Variants in CWC25 observed in about 807,000 individuals in gnomAD.
CWC25 encodes the protein CWC25 spliceosome associated protein, also known as pre-mRNA-splicing factor CWC25 homolog.
Under a neutral mutation model 54.6 loss-of-function variants are expected in CWC25, and 31 were observed. The observed-to-expected ratio is 0.57, with a 90% CI of 0.43 to 0.77. CWC25 has a LOEUF of 0.77. Ranked by LOEUF, CWC25 falls within the 30% of genes least tolerant of loss-of-function variation. The pLI is 0.00. For synonymous variants in CWC25, 151 were observed against 187.0 expected (o/e 0.81, Z 1.57); for missense variants, 453 against 529.3 (o/e 0.86, Z 1.41).
chr17:38,819,470 G>A (rs1039404385), intron 2 of CWC25, among the ~76,000 whole-genome samples: 5 of 151,286 alleles, frequency 3.3e-5, no homozygotes, highest in African/African-American at 9.7e-5. Flanking sequence ...GGGTTCAAGC[G>A]ATTCTCCTGC....
At chr17:38,820,275 T>C (rs1010899215) in intron 2 of CWC25, among the ~76,000 whole-genome samples, 6 of 152,216 alleles carry the variant, frequency 3.9e-5, no homozygotes, top group Non-Finnish European at 8.8e-5. Context: ...GACTTAAGAA[T>C]ACACTGCATA....
chr17:38,804,681 G>A (rs187549821), intron 8 of CWC25, among the ~76,000 whole-genome samples: 4 of 151,442 alleles, frequency 2.6e-5, no homozygotes, highest in South Asian at 2.1e-4. Context: ...GGTGGCATGC[G>A]CCTGTAGTCC....
chr17:38,809,929 T>C (rs552565371), intron 5 of CWC25, 164 bp from the exon 6 acceptor site: 4 of 609,698 alleles, frequency 6.6e-6, no homozygotes, highest in East Asian at 3.0e-5. Flanking sequence ...TGCCGAAAAA[T>C]GCATCAGCAC....
intron 2 of CWC25, among the ~76,000 whole-genome samples, chr17:38,820,236 T>C (rs532990238): frequency 6.6e-6 from 1 of 152,306 alleles, no homozygotes; most frequent in South Asian, 2.1e-4. Flanking sequence ...GTCCCCAGTT[T>C]TAGTCTATCT....
intron 8 of CWC25, among the ~76,000 whole-genome samples, chr17:38,804,281 C>T (rs977831926): frequency 2.0e-5 from 3 of 151,980 alleles, no homozygotes; most frequent in South Asian, 2.1e-4. Flanking sequence ...TCTGATGTAA[C>T]CATATTGGAA....
chr17:38,808,355 C>A (rs1173328461), intron 6 of CWC25, among the ~76,000 whole-genome samples: 1 of 136,718 alleles, frequency 7.3e-6, no homozygotes, highest in Non-Finnish European at 1.6e-5. Flanking sequence ...GCACTCCAGC[C>A]TGGGCGACAG....
chr17:38,806,784 A>G lies in CWC25; in HGVS notation c.883T>C (p.Ser295Pro). The part of the protein sequence containing the change: ...RSRSLGRRSR[S>P]PRPSKLHNSK... ...ACTCACAGTTTGCTGGGTCTTGGGG[A>G]CCGTGACCTTCTGCCCAGGGATCGA... The change falls in exon 7 of 10, where the codon TCC becomes CCC. Residue 295 changes from serine to proline, a missense_variant. By Grantham distance (74) the Ser-to-Pro change is moderately conservative (BLOSUM62 -1). Transcript: ENST00000614790. 6.2e-7 allele frequency: 1 copy of G among 1,600,548 alleles called. No individual in the cohort carries two copies. The highest frequency in any genetic ancestry group is 8.5e-7 in the Non-Finnish European group (1 of 1,174,358).
intron 5 of CWC25, 26 bp downstream of exon 5, chr17:38,810,442 A>C: frequency 6.6e-7 from 1 of 1,520,346 alleles, no homozygotes; most frequent in East Asian, 2.3e-5. Context: ...ATCAACGAGA[A>C]GGGAGGCCAG....
Position 38,806,835 on chromosome 17 carries a change from C to T in CWC25, c.832G>A (p.Glu278Lys). 6.2e-7 allele frequency: 1 copy of T among 1,613,562 alleles called. No individual in the cohort carries two copies. The highest frequency in any genetic ancestry group is 1.3e-5 in the African/African-American group (1 of 75,002). ...GACCTCCTGTCCCGGGACCCTGCTT[C>T]CCTGGTGCTCTTCTTGCTGGCATGT... ...PRHASKKSTR[E>K]AGSRDRRSRS... The change falls in exon 7 of 10, where the codon GAA (glutamate) becomes AAA (lysine). Residue 278 changes from glutamate (E) to lysine (K), a missense_variant. Glu to Lys is a moderately conservative substitution (Grantham distance 56). Coordinates refer to ENST00000614790, the MANE Select transcript of CWC25 (RefSeq NM_017748.5).
intron 2 of CWC25, among the ~76,000 whole-genome samples, chr17:38,819,390 C>T (rs1306375869): frequency 1.3e-5 from 2 of 148,902 alleles, no homozygotes; most frequent in South Asian, 2.1e-4. Context: ...TTTTTTGAGA[C>T]GGAGTCTCGC....
chr17:38,804,405 C>G (rs1911144476), intron 8 of CWC25, among the ~76,000 whole-genome samples: 1 of 152,060 alleles, frequency 6.6e-6, no homozygotes, highest in African/African-American at 2.4e-5. Context: ...CACGGTGGCT[C>G]ACACCTGTAA....
At chr17:38,823,980 T>C (rs1168347721) in intron 1 of CWC25, among the ~76,000 whole-genome samples, 1 of 152,192 alleles carries the variant, frequency 6.6e-6, no homozygotes, top group Non-Finnish European at 1.5e-5. Flanking sequence ...AGAGCGCTAA[T>C]GTTGAGAAAC....
intron 3 of CWC25, among the ~76,000 whole-genome samples, chr17:38,813,548 CAAA>C (rs35706016): frequency 9.7e-5 from 10 of 103,116 alleles, no homozygotes; most frequent in East Asian, 2.7e-4. Flanking sequence ...GAGATTGTCT[CAAA>C]AAAAAAAAAA....
intron 8 of CWC25, among the ~76,000 whole-genome samples, chr17:38,805,796 G>C (rs1402315375): frequency 6.6e-6 from 1 of 151,760 alleles, no homozygotes; most frequent in Non-Finnish European, 1.5e-5. Flanking sequence ...GCTGTGTCTG[G>C]CTTGGTTTTT....
rs949179369 is a variant in CWC25 at position 38,801,968 on chromosome 17, G to A, written c.*124C>T. 8.3e-6 allele frequency: 5 copies of A among 599,312 alleles called. No homozygotes were observed. The highest frequency in any genetic ancestry group is 1.5e-5 in the Non-Finnish European group (5 of 338,400). 37.1% of individuals were successfully genotyped at this position (599,312 alleles called of 1,614,324 possible). On this transcript the variant is annotated 3_prime_UTR_variant, in exon 10 of 10. Coordinates refer to ENST00000614790, the MANE Select transcript of CWC25 (RefSeq NM_017748.5). ...CTGTTTCAGGACTCAATGAAGCAGG[G>A]TCACTTTGAACACTGGTGGTTTGAC...
chr17:38,819,546 T>C (rs1467695858), intron 2 of CWC25, among the ~76,000 whole-genome samples: 1 of 151,678 alleles, frequency 6.6e-6, no homozygotes, highest in Admixed American at 6.6e-5. Context: ...TTTTTTTTTT[T>C]TTTTTAGTAG....
chr17:38,820,678 C>G (rs149769678), intron 2 of CWC25, among the ~76,000 whole-genome samples: 21 of 152,160 alleles, frequency 1.4e-4, no homozygotes, highest in Admixed American at 5.9e-4. Context: ...CTTAAGAAGG[C>G]GTTGGGTATT....
At chr17:38,820,083 A>G (rs2143600774) in intron 2 of CWC25, among the ~76,000 whole-genome samples, 1 of 152,224 alleles carries the variant, frequency 6.6e-6, no homozygotes, top group African/African-American at 2.4e-5. Context: ...GATTATAGGC[A>G]TAAGCCGCCA....
rs144985754 is a variant in CWC25 at position 38,807,043 on chromosome 17, C to T, written c.691-67G>A. On this transcript the variant is annotated intron_variant, in intron 6 of 9. Coordinates refer to ENST00000614790, the MANE Select transcript of CWC25 (RefSeq NM_017748.5). ...CCAGCTATTCAGGAGAAAACGCGGC[C>T]GGGCTCAGTGGCTCACGCCTGTAAT... 2.6e-5 allele frequency: 35 copies of T among 1,323,006 alleles called. 1 individual carries two copies. Among genetic ancestry groups the T allele is most frequent in the South Asian group, 2.3e-4 (18 of 77,070 alleles). The allele number at this position is 1,323,006 out of a possible 1,614,324, so 82.0% of individuals were successfully genotyped here.
Sources: allele counts gnomAD v4.1 joint callset (sites outside exome capture counted in the v4.1 genomes callset), GRCh38; gene constraint gnomAD v4.1.1; transcripts MANE v1.5; gene names NCBI Gene and HGNC (gene_info 2026-07-23, HGNC 2026-07-21).